JCAD: variants seen among roughly 807,000 people sequenced by gnomAD.
JCAD encodes junctional cadherin 5 associated.
JCAD carries 40 observed loss-of-function variants against 98.0 expected under a neutral mutation model. That is an observed-to-expected ratio of 0.41 (90% CI 0.32 to 0.53). JCAD has a LOEUF of 0.53. JCAD is among the 20% of genes least tolerant of loss of function. The pLI, the probability that JCAD is intolerant of heterozygous loss-of-function variation, is 0.31. For synonymous variants in JCAD, 691 were observed against 682.3 expected (o/e 1.01, Z -0.20); for missense variants, 1,705 against 1,738.1 (o/e 0.98, Z 0.34).
chr10:30,045,230 A>C (rs1413293929), intron 2 of JCAD, among the ~76,000 whole-genome samples: 1 of 151,794 alleles, frequency 6.6e-6, no homozygotes, highest in Non-Finnish European at 1.5e-5. Flanking sequence ...CAGAATTCTA[A>C]AGGGGATTCT....
At chr10:30,054,279 G>A (rs1041235344) in intron 1 of JCAD, among the ~76,000 whole-genome samples, 1 of 152,140 alleles carries the variant, frequency 6.6e-6, no homozygotes, top group African/African-American at 2.4e-5. Context: ...ATACCAAAAT[G>A]TCAGCAGAGG....
intron 3 of JCAD, among the ~76,000 whole-genome samples, chr10:30,022,801 C>T (rs1165658845): frequency 3.3e-5 from 5 of 152,088 alleles, no homozygotes; most frequent in African/African-American, 9.7e-5. Flanking sequence ...CATCTAGTGA[C>T]GTCATGTCAT....
chr10:30,059,001 C>A lies in JCAD; in HGVS notation c.-60+481G>T, dbSNP rs548889293. On this transcript the variant is annotated intron_variant, in intron 1 of 3. Coordinates refer to ENST00000375377, the MANE Select transcript of JCAD (RefSeq NM_020848.4). The surrounding 1 kb of genome is among the most constrained non-coding windows in gnomAD (Gnocchi z 5.0). ...GCGTGGGAACTGGGACCTCGGGGACCCAGCGCGGCGGCTGTCAGCTCTGGG... is the reference window on the plus strand; with the variant it reads ...GCGTGGGAACTGGGACCTCGGGGACACAGCGCGGCGGCTGTCAGCTCTGGG... Among the ~76,000 whole-genome samples, 1 of 152,100 alleles carries A rather than the reference C, an allele frequency of 6.6e-6. No homozygotes were observed. The highest frequency in any genetic ancestry group is 2.4e-5 in the African/African-American group (1 of 41,438).
In JCAD at chr10:30,092,034, CAAA is replaced by C. The variant is rs1198107053; in HGVS notation, n.129-22216_129-22214del. On this transcript the variant is annotated intron_variant and non_coding_transcript_variant, in intron 1 of 2. Transcript: ENST00000465712. ...CAGAGCGAGACTCCATCCCCCACCA[CAAA>C]AAAAAAAAAAAAAAAAAAAAAAAAA... Among the ~76,000 whole-genome samples, 29 of 35,386 alleles carry C rather than the reference CAAA, an allele frequency of 8.2e-4. 1 individual carries two copies. The highest frequency in any genetic ancestry group is 3.1e-3 in the African/African-American group (22 of 7,176). 23.2% of individuals were successfully genotyped at this position (35,386 alleles called of 152,430 possible). A position where few individuals can be genotyped will look rare whatever the true frequency, so the allele number is the denominator to read the frequency against.
chr10:30,113,099 T>C (rs1243612801), intron 1 of JCAD, among the ~76,000 whole-genome samples: 3 of 152,158 alleles, frequency 2.0e-5, no homozygotes, highest in Non-Finnish European at 2.9e-5. Context: ...TGGTAAATTA[T>C]ATATTATATG....
chr10:30,092,098 T>TTAAATATA (rs11268260), intron 1 of JCAD, among the ~76,000 whole-genome samples: 4,998 of 44,364 alleles, frequency 0.11, 599 homozygotes, highest in Non-Finnish European at 0.12. Flanking sequence ...TAAAGTTACT[T>TTAAATATA]TATATATATA....
At chr10:30,071,909 T>C (rs932137409) in intron 1 of JCAD, among the ~76,000 whole-genome samples, 2 of 152,136 alleles carry the variant, frequency 1.3e-5, no homozygotes, top group Non-Finnish European at 2.9e-5. Context: ...CAAAATATGC[T>C]CCTCTTCCTC....
chr10:30,087,823 C>T (rs1234878619), intron 1 of JCAD, among the ~76,000 whole-genome samples: 1 of 152,158 alleles, frequency 6.6e-6, no homozygotes, highest in African/African-American at 2.4e-5. Context: ...TATCTGAAAC[C>T]TTATTGGACT....
rs918552512 is a variant in JCAD at position 30,068,900 on chromosome 10, C to A, written n.250+800G>T. On this transcript the variant is annotated intron_variant and non_coding_transcript_variant, in intron 2 of 2. Coordinates refer to the JCAD transcript ENST00000465712. ...CTCTCCTTGCCTTTCCTGTGAAAAT[C>A]CCAGTAATGGCTGTGGCCAAGGCCT... is the stretch of plus-strand genomic sequence containing the variant. 1.4e-4 allele frequency among the ~76,000 whole-genome samples: 21 copies of A among 152,346 alleles called. No homozygotes were observed. In the South Asian group the frequency reaches 3.7e-3, roughly 27 times the overall value.
At chr10:30,080,006 GA>G (rs1225775553) in intron 1 of JCAD, among the ~76,000 whole-genome samples, 1 of 151,834 alleles carries the variant, frequency 6.6e-6, no homozygotes, top group African/African-American at 2.4e-5. Context: ...TCTCTTGGCA[GA>G]AAAAAAACTC....
At chr10:30,105,575 C>T (rs375916372) in intron 1 of JCAD, among the ~76,000 whole-genome samples, 32 of 152,066 alleles carry the variant, frequency 2.1e-4, no homozygotes, top group Non-Finnish European at 2.9e-4. Context: ...TCATCTGCCT[C>T]GGCCTCCCAA....
At position 30,045,791 on chromosome 10, in the gene JCAD, A is replaced by G. The variant is rs373272076; in HGVS notation, c.281+1741T>C. 7.9e-5 allele frequency among the ~76,000 whole-genome samples: 12 copies of G among 152,312 alleles called. No homozygotes were observed. The South Asian group carries it at 8.3e-4, about 11-fold the overall frequency. On this transcript the variant is annotated intron_variant, in intron 2 of 3. Coordinates refer to ENST00000375377, the MANE Select transcript of JCAD (RefSeq NM_020848.4). ...GATTTTCCCCCCTGAGCCTGGCTCC[A>G]TCAGTGCTAACTCCTCTTGCTCCTC...
intron 1 of JCAD, among the ~76,000 whole-genome samples, chr10:30,079,491 A>T (rs533372371): frequency 6.6e-6 from 1 of 152,256 alleles, no homozygotes; most frequent in African/African-American, 2.4e-5. Flanking sequence ...AAGGAGAAAA[A>T]CTTCCAAAAG....
At chr10:30,089,808 G>GT (rs1202003275) in intron 1 of JCAD, among the ~76,000 whole-genome samples, 2 of 152,064 alleles carry the variant, frequency 1.3e-5, no homozygotes, top group African/African-American at 4.8e-5. Flanking sequence ...GTATTTTAAG[G>GT]TTTTTAAAGT....
At chr10:30,023,120 C>G (rs1836701940) in intron 3 of JCAD, among the ~76,000 whole-genome samples, 1 of 152,098 alleles carries the variant, frequency 6.6e-6, no homozygotes. Flanking sequence ...TCACTGTAAC[C>G]TCTGGCTCCC....
At chr10:30,114,355 A>T (rs1838756251) in intron 1 of JCAD, among the ~76,000 whole-genome samples, 3 of 152,222 alleles carry the variant, frequency 2.0e-5, no homozygotes, top group African/African-American at 7.2e-5. Context: ...GAGCATATAT[A>T]ATGCACATGA....
At chr10:30,071,809 T>A (rs1837896218) in intron 1 of JCAD, among the ~76,000 whole-genome samples, 1 of 151,986 alleles carries the variant, frequency 6.6e-6, no homozygotes, top group Admixed American at 6.6e-5. Context: ...AAAAGACAAG[T>A]TTTTACATGC....
intron 1 of JCAD, among the ~76,000 whole-genome samples, chr10:30,075,767 G>A (rs1028843460): frequency 6.6e-6 from 1 of 152,188 alleles, no homozygotes; most frequent in Non-Finnish European, 1.5e-5. Flanking sequence ...AAATGCATTT[G>A]AAATGAGGGC....
chr10:30,098,139 A>G lies in JCAD; in HGVS notation n.128+17228T>C, dbSNP rs1838406666. ...TGATGTCCTTTTGTTCTTGGGAGAA[A>G]TAACTCCTGCGACCCTCGGGTCTGC... On this transcript the variant is annotated intron_variant and non_coding_transcript_variant, in intron 1 of 2. Transcript: ENST00000465712. 2.0e-5 allele frequency among the ~76,000 whole-genome samples: 3 copies of G among 152,066 alleles called. No homozygotes were observed. In the South Asian group the frequency reaches 6.2e-4, roughly 32 times the overall value.
Sources: gnomAD v4.1 joint callset for allele counts (sites outside exome capture counted in the v4.1 genomes callset) on GRCh38, gnomAD v4.1.1 for gene constraint, Gnocchi (gnomAD v3.1) non-coding constraint, MANE v1.5 for transcripts, NCBI Gene and HGNC (gene_info 2026-07-23, HGNC 2026-07-21) for gene names.